CTBP2: variants seen among roughly 807,000 people sequenced by gnomAD.
The protein encoded by CTBP2 is C-terminal binding protein 2, also known as C-terminal-binding protein 2.
CTBP2 carries 30 observed loss-of-function variants against 80.3 expected under a neutral mutation model. The ratio of observed to expected loss-of-function variants is 0.37; its 90% CI spans 0.28 to 0.51. The LOEUF (loss-of-function observed/expected upper bound fraction) is 0.51, where lower values mean the gene tolerates loss of function less well. Ranked by LOEUF, CTBP2 falls within the 20% of genes least tolerant of loss-of-function variation. CTBP2 has a pLI of 0.93. For synonymous variants in CTBP2, 594 were observed against 587.4 expected, an observed-to-expected ratio of 1.01 and a Z score of -0.16; for missense variants, 1,212 against 1,375.3, an observed-to-expected ratio of 0.88 and a Z score of 1.88.
chr10:125,094,164 C>A (rs1415991033), intron 2 of CTBP2, among the ~76,000 whole-genome samples: 4 of 152,156 alleles, frequency 2.6e-5, no homozygotes, highest in African/African-American at 9.7e-5. Context: ...GTAAGTTACG[C>A]CTGGTGCTGA....
chr10:125,032,348 C>T (rs7081189), upstream of CTBP2, among the ~76,000 whole-genome samples: 14,746 of 152,232 alleles, frequency 0.097, 798 homozygotes, highest in South Asian at 0.2. Flanking sequence ...CATGGTGACC[C>T]GCCCCATCAC....
intron 1 of CTBP2, among the ~76,000 whole-genome samples, chr10:125,022,075 C>T (rs1564726648): frequency 6.6e-6 from 1 of 152,226 alleles, no homozygotes. Flanking sequence ...CCTTAGCTGC[C>T]CTTGCACACG....
intron 1 of CTBP2, among the ~76,000 whole-genome samples, chr10:125,124,779 CT>C (rs1002713212): frequency 7.9e-5 from 12 of 152,160 alleles, no homozygotes; most frequent in African/African-American, 2.7e-4. Flanking sequence ...AACAAAAACT[CT>C]TTCAATTATA....
chr10:124,988,316 T>C lies in CTBP2; in HGVS notation c.*1202A>G, dbSNP rs1952134105. 6.5e-6 allele frequency: 1 copy of C among 152,678 alleles called. No homozygotes were observed. Among genetic ancestry groups the C allele is most frequent in the African/African-American group, 2.4e-5 (1 of 41,464 alleles). 9.5% of individuals were successfully genotyped at this position (152,678 alleles called of 1,614,324 possible). A position where few individuals can be genotyped will look rare whatever the true frequency, so the allele number is the denominator to read the frequency against. ...GAACATTTACATTAGTGAGATGTAC[T>C]TGAATTTCAGAACTTAACAAATTTT... On this transcript the variant is annotated 3_prime_UTR_variant, in exon 9 of 9. Transcript: ENST00000309035.
intron 2 of CTBP2, among the ~76,000 whole-genome samples, chr10:125,054,623 G>C (rs1399076356): frequency 1.3e-5 from 2 of 152,160 alleles, no homozygotes; most frequent in African/African-American, 2.4e-5. Flanking sequence ...TACATTTTGA[G>C]GTAATTTGTC....
chr10:125,051,469 A>G (rs900896242), intron 2 of CTBP2, among the ~76,000 whole-genome samples: 4 of 152,104 alleles, frequency 2.6e-5, no homozygotes, highest in African/African-American at 7.2e-5. Flanking sequence ...GCAAAACCCC[A>G]TCTCTACTAA....
chr10:125,111,551 ACT>A (rs1852294422), intron 1 of CTBP2, among the ~76,000 whole-genome samples: 1 of 152,204 alleles, frequency 6.6e-6, no homozygotes, highest in Non-Finnish European at 1.5e-5. Flanking sequence ...ATCTACTGTA[ACT>A]CTGATTAACG....
chr10:125,032,804 C>T (rs143020563), upstream of CTBP2: 94 of 154,968 alleles, frequency 6.1e-4, no homozygotes, highest in African/African-American at 2.2e-3. Flanking sequence ...GACATGGACA[C>T]AGTCCCCAGA....
intron 1 of CTBP2, among the ~76,000 whole-genome samples, chr10:125,123,960 C>A (rs73379112): frequency 0.03 from 4,498 of 152,300 alleles, 210 homozygotes; most frequent in African/African-American, 0.1. Context: ...GGGCAAGTGC[C>A]TCTCTGGTGG....
chr10:125,077,491 G>T (rs1590596575), intron 2 of CTBP2, among the ~76,000 whole-genome samples: 1 of 152,078 alleles, frequency 6.6e-6, no homozygotes, highest in Non-Finnish European at 1.5e-5. Context: ...CAAACTCCCC[G>T]GGCTCGCAGA....
chr10:124,998,023 C>G lies in CTBP2; in HGVS notation c.2126G>C (p.Arg709Pro). Reference sequence around the variant, plus strand: ...GCGGGCCGCTCCCGAGGCCACCTCGCGGATCTGCTCCACGCTCTGAACCCG... The same window carrying G: ...GCGGGCCGCTCCCGAGGCCACCTCGGGGATCTGCTCCACGCTCTGAACCCG... Residue 709 changes from arginine to proline, a missense_variant, in exon 4 of 9, where the codon CGC (arginine) becomes CCC (proline). By Grantham distance (103) the Arg-to-Pro change is moderately radical. Around this residue, in one of 3 missense-constraint regions of CTBP2, gnomAD observed 335 missense variants for 504.7 expected, o/e 0.66. Coordinates refer to ENST00000309035, the MANE Select transcript of CTBP2 (RefSeq NM_022802.3). The G allele has an allele frequency of 6.2e-7, 1 of 1,613,324 alleles. No homozygotes were observed. The highest frequency in any genetic ancestry group is 8.5e-7 in the Non-Finnish European group (1 of 1,180,006).
At chr10:125,038,003 T>A (rs973575337) in intron 3 of CTBP2, among the ~76,000 whole-genome samples, 10 of 152,192 alleles carry the variant, frequency 6.6e-5, no homozygotes, top group African/African-American at 2.2e-4. Flanking sequence ...ATGTTTACTT[T>A]AAAAAAACCC....
chr10:125,101,610 C>A (rs745856448), intron 2 of CTBP2, among the ~76,000 whole-genome samples: 3 of 152,170 alleles, frequency 2.0e-5, no homozygotes, highest in African/African-American at 7.2e-5. Context: ...AACCCACATC[C>A]CAAGTGCCAG....
chr10:125,041,749 G>C (rs2935654), intron 2 of CTBP2, among the ~76,000 whole-genome samples: 152,245 of 152,248 alleles, frequency 1, 76,121 homozygotes, highest in Middle Eastern at 1. Flanking sequence ...TGAGGCAAGG[G>C]GGGTTTCACA....
chr10:125,103,966 A>G (rs1178104402), intron 2 of CTBP2, among the ~76,000 whole-genome samples: 3 of 152,186 alleles, frequency 2.0e-5, no homozygotes, highest in African/African-American at 4.8e-5. Flanking sequence ...CACCCTACCC[A>G]CGACAACAAA....
chr10:125,112,778 A>G (rs980181686), intron 1 of CTBP2, among the ~76,000 whole-genome samples: 1 of 152,242 alleles, frequency 6.6e-6, no homozygotes, highest in African/African-American at 2.4e-5. Context: ...GATACCTAAA[A>G]GAACTTCCCC....
At chr10:125,117,893 C>T (rs1034423172) in intron 1 of CTBP2, among the ~76,000 whole-genome samples, 1 of 152,170 alleles carries the variant, frequency 6.6e-6, no homozygotes, top group African/African-American at 2.4e-5. Context: ...TCATTATGAC[C>T]CCCTGATGCC....
In CTBP2 at chr10:125,027,495, A is replaced by C. The variant is rs1262727963; in HGVS notation, c.265T>G (p.Phe89Val). The change falls in exon 1 of 9, where the codon TTC (phenylalanine) becomes GTC (valine). Residue 89 changes from phenylalanine to valine, a missense_variant. Transcript: ENST00000309035. ...GCCTGTCTGCTGTCGTAGAAGGTGA[A>C]GTCAGGAGTAGACCCCTTTCTTGCA... is the stretch of plus-strand genomic sequence containing the variant. 1.3e-5 allele frequency: 21 copies of C among 1,614,148 alleles called. No individual in the cohort carries two copies. Among genetic ancestry groups the C allele is most frequent in the Non-Finnish European group, 1.8e-5 (21 of 1,180,014 alleles).
chr10:124,991,834 G>T (rs572733129), intron 8 of CTBP2, among the ~76,000 whole-genome samples: 25 of 134,198 alleles, frequency 1.9e-4, no homozygotes, highest in African/African-American at 6.2e-4. Flanking sequence ...ATTCAAGGCT[G>T]CAACTTCATT....
Sources: gnomAD v4.1 joint callset for allele counts (sites outside exome capture counted in the v4.1 genomes callset) on GRCh38, gnomAD v4.1.1 for gene constraint, gnomAD v4.1.1 regional missense constraint, MANE v1.5 for transcripts, NCBI Gene and HGNC (gene_info 2026-07-23, HGNC 2026-07-21) for gene names.